ASTN2: variants seen among roughly 807,000 people sequenced by gnomAD.
ASTN2 encodes astrotactin-2.
ASTN2 carries 54 observed loss-of-function variants against 139.8 expected under a neutral mutation model. That is an observed-to-expected ratio of 0.39 (90% CI 0.31 to 0.48). The LOEUF (loss-of-function observed/expected upper bound fraction) is 0.48, where lower values mean the gene tolerates loss of function less well. ASTN2 is among the 20% of genes least tolerant of loss of function. The pLI is 0.95. For synonymous variants in ASTN2, 756 were observed against 719.5 expected (o/e 1.05, Z -0.81); for missense variants, 1,565 against 1,725.1 (o/e 0.91, Z 1.64).
At chr9:117,368,498 T>G (rs1021328869) in intron 1 of ASTN2, among the ~76,000 whole-genome samples, 2 of 152,208 alleles carry the variant, frequency 1.3e-5, no homozygotes, top group African/African-American at 4.8e-5. Flanking sequence ...TTGAGTAGGA[T>G]AAGCATAGAA....
intron 4 of ASTN2, among the ~76,000 whole-genome samples, chr9:117,108,314 G>C (rs12335747): frequency 0.17 from 26,401 of 151,992 alleles, 2,623 homozygotes; most frequent in Middle Eastern, 0.24. Context: ...ACCCTCTTCA[G>C]GGTGACATCA....
intron 10 of ASTN2, among the ~76,000 whole-genome samples, chr9:116,896,836 C>T (rs1229926668): frequency 6.6e-6 from 1 of 152,160 alleles, no homozygotes; most frequent in South Asian, 2.1e-4. Flanking sequence ...ATGGGGACAC[C>T]ATCCCAGTGA....
chr9:117,038,958 G>A (rs894052791), intron 6 of ASTN2, among the ~76,000 whole-genome samples: 4 of 152,260 alleles, frequency 2.6e-5, no homozygotes, highest in African/African-American at 9.6e-5. Flanking sequence ...TATTTACAGG[G>A]AATGAGCATA....
intron 10 of ASTN2, among the ~76,000 whole-genome samples, chr9:116,929,715 C>A (rs139645576): frequency 6.6e-6 from 1 of 152,162 alleles, no homozygotes; most frequent in Non-Finnish European, 1.5e-5. Flanking sequence ...ATGGTTATTG[C>A]ATTATTAATT....
chr9:116,588,529 C>T (rs1854251107), intron 19 of ASTN2, among the ~76,000 whole-genome samples: 1 of 152,112 alleles, frequency 6.6e-6, no homozygotes, highest in Non-Finnish European at 1.5e-5. Flanking sequence ...TTAGGATAGG[C>T]TTTGAAACTA....
chr9:117,268,958 C>T (rs916325991), intron 2 of ASTN2, among the ~76,000 whole-genome samples: 7 of 152,170 alleles, frequency 4.6e-5, no homozygotes, highest in East Asian at 1.9e-4. Context: ...GCTTCCTTAC[C>T]CGTAAAATAG....
At chr9:116,463,915 T>G (rs1201646369) in intron 20 of ASTN2, among the ~76,000 whole-genome samples, 1 of 149,630 alleles carries the variant, frequency 6.7e-6, no homozygotes, top group African/African-American at 2.5e-5. Context: ...TGTGTTTTTT[T>G]TTTTTTTTTT....
At position 116,423,178 on chromosome 9, in the gene ASTN2, T is replaced by G. The variant is rs1847230339; in HGVS notation, c.*2673A>C. Reference sequence around the variant, plus strand: ...TCTTTCCCAACCAGATTTTCCTGGATGTCTGCCCAAGACTCACAGTATTAT... The same window carrying G: ...TCTTTCCCAACCAGATTTTCCTGGAGGTCTGCCCAAGACTCACAGTATTAT... On this transcript the variant is annotated 3_prime_UTR_variant, in exon 23 of 23. Coordinates refer to ENST00000313400, the MANE Select transcript of ASTN2 (RefSeq NM_001365068.1). 6.6e-6 allele frequency among the ~76,000 whole-genome samples: 1 copy of G among 152,198 alleles called. No individual in the cohort carries two copies. Among genetic ancestry groups the G allele is most frequent in the Non-Finnish European group, 1.5e-5 (1 of 68,040 alleles).
chr9:116,772,852 G>T (rs1188283707), intron 13 of ASTN2, among the ~76,000 whole-genome samples: 2 of 152,136 alleles, frequency 1.3e-5, no homozygotes, highest in Admixed American at 6.6e-5. Context: ...AGCTCAGGGG[G>T]CTTAGCTTTA....
chr9:117,043,326 A>G (rs1210283101), intron 5 of ASTN2, among the ~76,000 whole-genome samples: 1 of 152,092 alleles, frequency 6.6e-6, no homozygotes, highest in Non-Finnish European at 1.5e-5. Flanking sequence ...GGAAATGGAC[A>G]CTCTGGACAG....
At chr9:117,235,931 T>C (rs1352395258) in intron 2 of ASTN2, among the ~76,000 whole-genome samples, 2 of 152,176 alleles carry the variant, frequency 1.3e-5, no homozygotes, top group Non-Finnish European at 2.9e-5. Context: ...ATGAGGAAAG[T>C]GAATCTCAGA....
intron 10 of ASTN2, among the ~76,000 whole-genome samples, chr9:116,965,258 A>C (rs530158946): frequency 1.2e-4 from 18 of 152,194 alleles, no homozygotes; most frequent in Non-Finnish European, 2.4e-4. Context: ...TAGATGAATA[A>C]ACTTAAACAT....
intron 11 of ASTN2, among the ~76,000 whole-genome samples, chr9:116,861,973 C>CTTCTT (rs1410227743): frequency 1.5e-5 from 2 of 133,654 alleles, no homozygotes; most frequent in Non-Finnish European, 3.1e-5. Flanking sequence ...TTTCCTTCTT[C>CTTCTT]TTTTTTTTTT....
chr9:116,713,381 C>T (rs1010520298), intron 16 of ASTN2, among the ~76,000 whole-genome samples: 3 of 152,096 alleles, frequency 2.0e-5, no homozygotes, highest in Admixed American at 1.3e-4. Context: ...ATGAAGACAA[C>T]TAAGGCCAGC....
intron 11 of ASTN2, among the ~76,000 whole-genome samples, chr9:116,851,848 A>G (rs1016116750): frequency 7.9e-5 from 12 of 152,110 alleles, no homozygotes; most frequent in African/African-American, 2.9e-4. Context: ...AGGGGTGCCA[A>G]ATCCCACTGG....
intron 20 of ASTN2, among the ~76,000 whole-genome samples, chr9:116,462,630 C>T (rs201638715): frequency 2.6e-5 from 4 of 152,054 alleles, no homozygotes; most frequent in Non-Finnish European, 5.9e-5. Context: ...CCTGACTCTT[C>T]AAGCCGATAA....
chr9:117,307,028 C>T (rs529545143), intron 1 of ASTN2, among the ~76,000 whole-genome samples: 8 of 152,152 alleles, frequency 5.3e-5, no homozygotes, highest in East Asian at 3.9e-4. Flanking sequence ...ATCTCTAGGG[C>T]GTATATACAT....
At position 117,291,341 on chromosome 9, in the gene ASTN2, G is replaced by A. The variant is rs1458016388; in HGVS notation, c.615C>T (p.Leu205=). 21 of 1,613,954 alleles carry A rather than the reference G, an allele frequency of 1.3e-5. No homozygotes were observed. In the African/African-American group the frequency reaches 2.8e-4, roughly 22 times the overall value. The part of the protein sequence containing the change: ...SEIVEEQMHI[L]HISVMGGLIA... ...CATCACTCACCATCACAGAAATGTG[G>A]AGGATGTGCATCTGCTCCTCAACAA... The change falls in exon 2 of 23, where the codon CTC becomes CTT. Residue 205 remains leucine, a synonymous_variant. Transcript: ENST00000313400.
chr9:116,525,574 T>A (rs1851055706), intron 19 of ASTN2, among the ~76,000 whole-genome samples: 1 of 152,198 alleles, frequency 6.6e-6, no homozygotes, highest in Non-Finnish European at 1.5e-5. Flanking sequence ...CCAAAAGCTA[T>A]GCATCTCATC....
Sources: gnomAD v4.1 joint callset for allele counts (sites outside exome capture counted in the v4.1 genomes callset) on GRCh38, gnomAD v4.1.1 for gene constraint, MANE v1.5 for transcripts, NCBI Gene and HGNC (gene_info 2026-07-23, HGNC 2026-07-21) for gene names.